Variants in VPS45 observed in about 807,000 individuals in gnomAD.
The protein encoded by VPS45 is vacuolar protein sorting 45 homolog, also known as vacuolar protein sorting-associated protein 45.
A neutral mutation model predicts 75.9 loss-of-function variants in VPS45; 35 were observed. The ratio of observed to expected loss-of-function variants is 0.46; its 90% CI spans 0.35 to 0.61. The LOEUF is 0.61. Ranked by LOEUF, VPS45 falls within the 20% of genes least tolerant of loss-of-function variation. The pLI, the probability that VPS45 is intolerant of heterozygous loss-of-function variation, is 0.00. For missense variants in VPS45, 559 were observed against 685.9 expected, an observed-to-expected ratio of 0.81 and a Z score of 2.07; for synonymous variants, 220 against 238.2, an observed-to-expected ratio of 0.92 and a Z score of 0.70.
At chr1:150,106,685 G>C (rs587714644) in intron 13 of VPS45, among the ~76,000 whole-genome samples, 2 of 151,924 alleles carry the variant, frequency 1.3e-5, no homozygotes, top group Non-Finnish European at 2.9e-5. Context: ...CTTCTCTGCC[G>C]ACTTCTTTTC....
intron 10 of VPS45, among the ~76,000 whole-genome samples, chr1:150,089,518 A>G (rs1656217158): frequency 6.6e-6 from 1 of 151,760 alleles, no homozygotes; most frequent in Non-Finnish European, 1.5e-5. Context: ...CCGCCACTAC[A>G]TCCTGCTAAT....
At chr1:150,096,992 T>C (rs1245488169) in intron 13 of VPS45, among the ~76,000 whole-genome samples, 3 of 9,586 alleles carry the variant, frequency 3.1e-4, no homozygotes, top group African/African-American at 1.4e-3. Flanking sequence ...CAATATTACG[T>C]ATTCTTTTTT....
At chr1:150,107,353 A>G (rs1463987863) in intron 13 of VPS45, among the ~76,000 whole-genome samples, 1 of 152,104 alleles carries the variant, frequency 6.6e-6, no homozygotes, top group Non-Finnish European at 1.5e-5. Context: ...TAGTTACCAA[A>G]ACCAGAAAAC....
chr1:150,093,489 C>T (rs1347448751), intron 12 of VPS45, 38 bp from the exon 13 acceptor site: 3 of 1,598,964 alleles, frequency 1.9e-6, no homozygotes, highest in Non-Finnish European at 2.6e-6. Context: ...TTGCCAATTT[C>T]CCAAAAATGA....
At position 150,067,867 on chromosome 1, in the gene VPS45, GT is replaced by G; in HGVS notation, c.15del (p.Phe5LeufsTer3). 6.2e-7 allele frequency: 1 copy of G among 1,614,104 alleles called. No homozygotes were observed. The highest frequency in any genetic ancestry group is 1.1e-5 in the South Asian group (1 of 91,078). MNV[V>X]FAVKQYISKM... Reference sequence around the variant, plus strand: ...TTGTCAATTCGCCGCCATGAACGTGGTTTTTGCTGTGAAGCAGTACATTTCC... The same window carrying G: ...TTGTCAATTCGCCGCCATGAACGTGGTTTTGCTGTGAAGCAGTACATTTCC... On this transcript the variant is annotated frameshift_variant, in exon 1 of 15. Transcript: ENST00000644510. LOFTEE classifies it high-confidence loss of function.
intron 13 of VPS45, among the ~76,000 whole-genome samples, chr1:150,103,598 C>T (rs1215492912): frequency 6.6e-6 from 1 of 152,132 alleles, no homozygotes; most frequent in African/African-American, 2.4e-5. Flanking sequence ...TCCAGTAGTA[C>T]AAAAATACCC....
intron 14 of VPS45, among the ~76,000 whole-genome samples, chr1:150,137,470 C>T (rs1553814049): frequency 6.6e-6 from 1 of 152,200 alleles, no homozygotes; most frequent in African/African-American, 2.4e-5. Context: ...TCTGTCCTGT[C>T]ATAGGGGATG....
intron 14 of VPS45, among the ~76,000 whole-genome samples, chr1:150,130,004 C>T (rs1405074546): frequency 1.3e-5 from 2 of 151,786 alleles, no homozygotes; most frequent in Non-Finnish European, 2.9e-5. Flanking sequence ...GGCCACCAAG[C>T]CTGGCTATCT....
intron 14 of VPS45, chr1:150,142,962 C>T (rs1282757548): frequency 2.9e-6 from 1 of 341,796 alleles, no homozygotes; most frequent in Non-Finnish European, 5.9e-6. Flanking sequence ...ATCCAAATAA[C>T]TTTTATATTA....
chr1:150,093,319 A>G (rs587740367), intron 12 of VPS45, among the ~76,000 whole-genome samples: 10 of 152,370 alleles, frequency 6.6e-5, no homozygotes, highest in African/African-American at 2.4e-4. Flanking sequence ...AAAATCCTTT[A>G]CAATAACTAG....
rs140771138 is a variant in VPS45, at chr1:150,092,335, C to A, written c.1297C>A (p.Arg433=). ...VSAVVEYGGK[R]VRGSDLFSPK... ...TGCAGTTGTTGAATATGGTGGTAAA[C>A]GAGTCAGAGGAAGTGACCTCTTCAG... The change falls in exon 12 of 15, where the codon CGA becomes AGA. Residue 433 remains arginine (R), a synonymous_variant. Coordinates refer to ENST00000644510, the MANE Select transcript of VPS45 (RefSeq NM_007259.5). 4.6e-5 allele frequency: 75 copies of A among 1,614,060 alleles called. No homozygotes were observed. The African/African-American group carries it at 9.6e-4, about 21-fold the overall frequency.
At chr1:150,106,693 T>G (rs1220414563) in intron 13 of VPS45, among the ~76,000 whole-genome samples, 1 of 152,200 alleles carries the variant, frequency 6.6e-6, no homozygotes, top group African/African-American at 2.4e-5. Flanking sequence ...CCGACTTCTT[T>G]TCCACAGGCT....
chr1:150,134,476 C>T (rs1553813116), intron 14 of VPS45, among the ~76,000 whole-genome samples: 1 of 152,196 alleles, frequency 6.6e-6, no homozygotes, highest in African/African-American at 2.4e-5. Flanking sequence ...TTGCCAGTAA[C>T]ATAGATGTAT....
intron 13 of VPS45, among the ~76,000 whole-genome samples, chr1:150,105,719 C>G (rs113845972): frequency 1.3e-5 from 2 of 152,144 alleles, no homozygotes; most frequent in African/African-American, 4.8e-5. Context: ...CAATTCCTAT[C>G]AATTTACCAA....
At chr1:150,121,900 AGTAT>A (rs1658249527) in intron 14 of VPS45, among the ~76,000 whole-genome samples, 1 of 152,160 alleles carries the variant, frequency 6.6e-6, no homozygotes, top group Admixed American at 6.5e-5. Context: ...ATAGTAAATC[AGTAT>A]GTAATAGATG....
At chr1:150,089,632 G>A (rs189945748) in intron 10 of VPS45, among the ~76,000 whole-genome samples, 1 of 152,210 alleles carries the variant, frequency 6.6e-6, no homozygotes, top group Admixed American at 6.5e-5. Context: ...AAATTGTTGG[G>A]ATTACAGGTG....
intron 13 of VPS45, among the ~76,000 whole-genome samples, chr1:150,107,581 C>T (rs1344126086): frequency 6.6e-6 from 1 of 152,166 alleles, no homozygotes; most frequent in African/African-American, 2.4e-5. Context: ...CATTCTTGCA[C>T]AGCTGCCAAA....
intron 3 of VPS45, among the ~76,000 whole-genome samples, chr1:150,073,387 G>A (rs1397719786): frequency 5.9e-5 from 9 of 152,004 alleles, no homozygotes; most frequent in Non-Finnish European, 7.4e-5. Context: ...TAACATTTGC[G>A]AAAAGACTAT....
rs1307260826 is a variant in VPS45, at chr1:150,124,973, TA to T, written c.1625+14351del. Among the ~76,000 whole-genome samples the T allele has an allele frequency of 9.2e-5, 14 of 152,086 alleles. 1 individual carries two copies. The South Asian group carries it at 2.9e-3, about 31-fold the overall frequency. On this transcript the variant is annotated intron_variant, in intron 14 of 14. Coordinates refer to ENST00000644510, the MANE Select transcript of VPS45 (RefSeq NM_007259.5). Reference sequence around the variant, plus strand: ...ATTTGAGAACATTTTCCCATGTTACTAAAAAGTCTTTAAAACAATCTTAATG... The same window carrying T: ...ATTTGAGAACATTTTCCCATGTTACTAAAAGTCTTTAAAACAATCTTAATG...
Sources: gnomAD v4.1 joint callset for allele counts (sites outside exome capture counted in the v4.1 genomes callset) on GRCh38, gnomAD v4.1.1 for gene constraint, MANE v1.5 for transcripts, NCBI Gene and HGNC (gene_info 2026-07-23, HGNC 2026-07-21) for gene names.